The following SYNE2 variants were observed in gnomAD, a reference collection of about 807,000 sequenced individuals.
SYNE2 encodes the protein nesprin-2.
Under a neutral mutation model 856.3 loss-of-function variants are expected in SYNE2, and 431 were observed. That is an observed-to-expected ratio of 0.50 (90% CI 0.47 to 0.55). The LOEUF is 0.55. SYNE2 is among the 20% of genes least tolerant of loss of function. The probability of loss-of-function intolerance (pLI) is 0.00; values close to 1 mark genes in which losing one functional copy is unlikely to be tolerated. For synonymous variants in SYNE2, 2,923 were observed against 2,872.3 expected (o/e 1.02, Z -0.56); for missense variants, 8,129 against 8,023.2 (o/e 1.01, Z -0.50).
At position 64,000,933 on chromosome 14, in the gene SYNE2, A is replaced by G. The variant is rs35435882; in HGVS notation, c.3638+214A>G. ...AATAATATAACCAGGCCACACTGCT[A>G]GCTAGAAACTTAGTAGAACTTAAGG... On this transcript the variant is annotated intron_variant, in intron 28 of 115. Coordinates refer to ENST00000555002, the MANE Select transcript of SYNE2 (RefSeq NM_182914.3). 0.092 allele frequency among the ~76,000 whole-genome samples: 13,994 copies of G among 152,256 alleles called. 700 individuals carry two copies. Among genetic ancestry groups the G allele is most frequent in the South Asian group, 0.17 (832 of 4,826 alleles).
intron 2 of SYNE2, among the ~76,000 whole-genome samples, chr14:63,936,162 C>T (rs750398260): frequency 1.2e-4 from 18 of 152,146 alleles, no homozygotes; most frequent in Non-Finnish European, 2.4e-4. Flanking sequence ...CGTGAGCCAC[C>T]GTGCCCAGCC....
At chr14:63,949,280 G>C (rs1056085258) in intron 6 of SYNE2, among the ~76,000 whole-genome samples, 1 of 151,948 alleles carries the variant, frequency 6.6e-6, no homozygotes, top group Non-Finnish European at 1.5e-5. Context: ...TACTTTGCCT[G>C]TATAATATAA....
chr14:64,167,835 A>C (rs941571275), intron 92 of SYNE2, among the ~76,000 whole-genome samples, 196 bp downstream of exon 92: 2 of 152,156 alleles, frequency 1.3e-5, no homozygotes, highest in Non-Finnish European at 2.9e-5. Flanking sequence ...TTACTGCTCT[A>C]TTTTATTAGG....
rs141508059 is a variant in SYNE2 at position 64,074,778 on chromosome 14, C to T, written c.10866+642C>T. Among the ~76,000 whole-genome samples the T allele has an allele frequency of 5.8e-3, 877 of 152,180 alleles. 22 individuals are homozygous for T. The highest frequency in any genetic ancestry group is 0.049 in the Admixed American group (743 of 15,292). On this transcript the variant is annotated intron_variant, in intron 53 of 115. Transcript: ENST00000555002. ...AGGCATGGTAGCGTGTGCCTATAAT[C>T]CCAGCTACTGGGATGCTGAGGCAGG...
chr14:64,023,036 C>G (rs1401082568), intron 38 of SYNE2, 173 bp downstream of exon 38: 2 of 595,138 alleles, frequency 3.4e-6, no homozygotes, highest in East Asian at 2.9e-5. Context: ...CGAGACCAGC[C>G]TGGGTCTCGA....
intron 1 of SYNE2, among the ~76,000 whole-genome samples, chr14:63,825,026 G>A (rs945566012): frequency 1.3e-5 from 2 of 151,914 alleles, no homozygotes; most frequent in Admixed American, 6.6e-5. Context: ...CTTGAGCCTG[G>A]GAGGTGGAGG....
At chr14:64,110,893 C>T (rs187642653) in intron 65 of SYNE2, among the ~76,000 whole-genome samples, 8 of 152,174 alleles carry the variant, frequency 5.3e-5, no homozygotes, top group Admixed American at 2.6e-4. Context: ...TCAGGCCACC[C>T]TCAGCTCTTG....
intron 1 of SYNE2, among the ~76,000 whole-genome samples, chr14:63,843,170 G>A (rs1159842820): frequency 6.6e-6 from 1 of 151,978 alleles, no homozygotes; most frequent in Non-Finnish European, 1.5e-5. Flanking sequence ...TGGAGTAGCT[G>A]GGGCTATAGG....
In SYNE2 at chr14:64,190,745, G is replaced by C. The variant is rs969554774; in HGVS notation, c.18038+508G>C. ...GTGCCAGGTCTCCCATGGGTGTCTTGTCCTAGGATGTGGATTTGGGCGCAG... is the reference window on the plus strand; with the variant it reads ...GTGCCAGGTCTCCCATGGGTGTCTTCTCCTAGGATGTGGATTTGGGCGCAG... On this transcript the variant is annotated intron_variant, in intron 99 of 115. Coordinates refer to ENST00000555002, the MANE Select transcript of SYNE2 (RefSeq NM_182914.3). 67 of 659,716 alleles carry C rather than the reference G, an allele frequency of 1.0e-4. No homozygotes were observed. The African/African-American group carries it at 1.1e-3, about 11-fold the overall frequency. 40.9% of individuals were successfully genotyped at this position (659,716 alleles called of 1,614,324 possible).
chr14:64,151,185 C>G (rs1203460936), intron 84 of SYNE2, among the ~76,000 whole-genome samples: 2 of 151,852 alleles, frequency 1.3e-5, no homozygotes, highest in African/African-American at 4.8e-5. Flanking sequence ...CCAGAAGACC[C>G]CTGACATTCA....
intron 98 of SYNE2, among the ~76,000 whole-genome samples, chr14:64,189,178 A>G (rs139820955): frequency 9.2e-5 from 14 of 152,248 alleles, no homozygotes; most frequent in African/African-American, 3.4e-4. Context: ...TACTAAAAAT[A>G]CAAAAATTAG....
At chr14:63,896,588 C>CA (rs1009559130) in intron 1 of SYNE2, among the ~76,000 whole-genome samples, 2 of 152,162 alleles carry the variant, frequency 1.3e-5, no homozygotes, top group Admixed American at 6.5e-5. Flanking sequence ...TTGGCCTGGA[C>CA]AAAATCATTA....
intron 1 of SYNE2, among the ~76,000 whole-genome samples, chr14:63,767,865 T>C (rs1369255063): frequency 6.6e-6 from 1 of 152,144 alleles, no homozygotes; most frequent in Non-Finnish European, 1.5e-5. Context: ...TGATACATCA[T>C]TTCACATTTT....
intron 2 of SYNE2, among the ~76,000 whole-genome samples, chr14:63,924,895 G>A (rs1429086328): frequency 1.6e-5 from 2 of 125,862 alleles, no homozygotes; most frequent in African/African-American, 3.0e-5. Context: ...GAATGGAAGT[G>A]ATGGAAGTAT....
chr14:64,128,020 A>G (rs2097966842), intron 73 of SYNE2, among the ~76,000 whole-genome samples: 1 of 152,234 alleles, frequency 6.6e-6, no homozygotes, highest in South Asian at 2.1e-4. Flanking sequence ...TCATCATTGA[A>G]ACAAATCAAA....
intron 2 of SYNE2, among the ~76,000 whole-genome samples, chr14:63,931,805 A>T (rs1055860987): frequency 6.6e-6 from 1 of 152,192 alleles, no homozygotes; most frequent in Non-Finnish European, 1.5e-5. Flanking sequence ...AGGGAAACCT[A>T]TAACTTATGT....
chr14:64,118,471 G>A (rs1478363926), intron 66 of SYNE2, among the ~76,000 whole-genome samples: 1 of 152,176 alleles, frequency 6.6e-6, no homozygotes, highest in Non-Finnish European at 1.5e-5. Flanking sequence ...TATTTGTCTT[G>A]AGAAAGAGAA....
intron 39 of SYNE2, 93 bp downstream of exon 39, chr14:64,024,552 T>C (rs1432052891): frequency 8.2e-7 from 1 of 1,218,210 alleles, no homozygotes; most frequent in Admixed American, 1.9e-5. Context: ...GGATACGCAG[T>C]ACACACAAAT....
chr14:63,803,621 C>T (rs1888247405), intron 1 of SYNE2, among the ~76,000 whole-genome samples: 1 of 152,218 alleles, frequency 6.6e-6, no homozygotes, highest in African/African-American at 2.4e-5. Context: ...ACGCACGCAG[C>T]CCCGGTTCCT....
Sources: gnomAD v4.1 joint callset for allele counts (sites outside exome capture counted in the v4.1 genomes callset) on GRCh38, gnomAD v4.1.1 for gene constraint, MANE v1.5 for transcripts, NCBI Gene and HGNC (gene_info 2026-07-23, HGNC 2026-07-21) for gene names.